The following SLC12A6 variants were observed in gnomAD, a reference collection of about 807,000 sequenced individuals.
SLC12A6 encodes the protein solute carrier family 12 member 6, also known as K-Cl cotransporter 3.
SLC12A6 carries 66 observed loss-of-function variants against 135.3 expected under a neutral mutation model. The observed-to-expected ratio is 0.49, with a 90% CI of 0.40 to 0.60. The LOEUF (loss-of-function observed/expected upper bound fraction) is 0.60. Among genes scored for constraint, SLC12A6 ranks in the 20% least tolerant of loss-of-function variants. The probability of loss-of-function intolerance (pLI) is 0.00; values close to 1 mark genes in which losing one functional copy is unlikely to be tolerated. For synonymous variants in SLC12A6, 513 were observed against 508.8 expected (o/e 1.01, Z -0.11); for missense variants, 1,058 against 1,452.3 (o/e 0.73, Z 4.41).
chr15:34,254,216 G>A, intron 9 of SLC12A6, 132 bp downstream of exon 9: 1 of 932,502 alleles, frequency 1.1e-6, no homozygotes, highest in South Asian at 1.3e-5. Flanking sequence ...GAGGAAGGAA[G>A]TCTAACTGGG....
intron 18 of SLC12A6, 47 bp downstream of exon 18, chr15:34,241,186 T>C (rs753458693): frequency 3.1e-6 from 3 of 972,174 alleles, no homozygotes; most frequent in Non-Finnish European, 5.0e-6. Context: ...ACACATATTT[T>C]TGTGTGTTAA....
Position 34,337,567 on chromosome 15 carries a change from C to A in SLC12A6, c.-308G>T. Reference sequence around the variant, plus strand: ...TTTCTCCTGCGTGTGACAGGACGAGCCACCCCCTTTGCCGGAGGCGCGTTC... The same window carrying A: ...TTTCTCCTGCGTGTGACAGGACGAGACACCCCCTTTGCCGGAGGCGCGTTC... On this transcript the variant is annotated 5_prime_UTR_variant, in exon 1 of 26. Coordinates refer to ENST00000354181, the MANE Select transcript of SLC12A6 (RefSeq NM_001365088.1). 1 of 152,632 alleles carries A rather than the reference C, an allele frequency of 6.6e-6. No individual in the cohort carries two copies. The highest frequency in any genetic ancestry group is 1.5e-5 in the Non-Finnish European group (1 of 68,228). The allele number at this position is 152,632 out of a possible 1,614,324, so 9.5% of individuals were successfully genotyped here. A position where few individuals can be genotyped will look rare whatever the true frequency, so the allele number is the denominator to read the frequency against.
intron 3 of SLC12A6, among the ~76,000 whole-genome samples, chr15:34,269,031 T>C (rs954171341): frequency 6.6e-6 from 1 of 152,078 alleles, no homozygotes; most frequent in African/African-American, 2.4e-5. Flanking sequence ...TAATTTTTTG[T>C]ATTTTTAGTA....
At chr15:34,268,959 C>T (rs931032918) in intron 3 of SLC12A6, among the ~76,000 whole-genome samples, 2 of 151,924 alleles carry the variant, frequency 1.3e-5, no homozygotes, top group African/African-American at 4.8e-5. Flanking sequence ...AGGGTTCAAG[C>T]AATTCTCCTA....
intron 13 of SLC12A6, among the ~76,000 whole-genome samples, chr15:34,249,755 T>C (rs1892259018): frequency 6.6e-6 from 1 of 152,226 alleles, no homozygotes. Context: ...TGAACAGTTC[T>C]TGATGGACAG....
chr15:34,252,233 A>C lies in SLC12A6; in HGVS notation c.1270T>G (p.Phe424Val). The C allele has an allele frequency of 6.2e-7, 1 of 1,608,720 alleles. No individual in the cohort carries two copies. Among genetic ancestry groups the C allele is most frequent in the Non-Finnish European group, 8.5e-7 (1 of 1,175,050 alleles). ...QFFNATCDEY[F>V]VHNNVTSIQG... ...ATTGAAGTGACGTTATTGTGAACAAAGTATTCATCACAGGTGGCATTGAAA... is the reference window on the plus strand; with the variant it reads ...ATTGAAGTGACGTTATTGTGAACAACGTATTCATCACAGGTGGCATTGAAA... Residue 424 changes from phenylalanine (F) to valine (V), a missense_variant, in exon 10 of 26, where the codon TTT becomes GTT. By Grantham distance (50) the Phe-to-Val change is conservative (BLOSUM62 -1). This residue lies in a region of SLC12A6 where 297 missense variants were observed against 318.5 expected (regional missense o/e 0.93). Coordinates refer to ENST00000354181, the MANE Select transcript of SLC12A6 (RefSeq NM_001365088.1).
chr15:34,296,277 G>A (rs1895873965), intron 2 of SLC12A6, among the ~76,000 whole-genome samples: 1 of 152,090 alleles, frequency 6.6e-6, no homozygotes, highest in African/African-American at 2.4e-5. Context: ...AAGAATGATG[G>A]TAATAATAGT....
chr15:34,290,774 C>A (rs765450581), intron 2 of SLC12A6, among the ~76,000 whole-genome samples: 1 of 152,128 alleles, frequency 6.6e-6, no homozygotes, highest in Non-Finnish European at 1.5e-5. Context: ...TTTTATCAAA[C>A]AGACCAGGAT....
chr15:34,231,584 C>CTTTTTTTTTT lies in SLC12A6; in HGVS notation c.*2296_*2297insAAAAAAAAAA, dbSNP rs1566794201. The CTTTTTTTTTT allele has an allele frequency of 7.1e-6, 1 of 141,490 alleles. No individual in the cohort carries two copies. The highest frequency in any genetic ancestry group is 1.5e-5 in the Non-Finnish European group (1 of 64,948). 8.8% of individuals were successfully genotyped at this position (141,490 alleles called of 1,614,324 possible). A position where few individuals can be genotyped will look rare whatever the true frequency, so the allele number is the denominator to read the frequency against. On this transcript the variant is annotated 3_prime_UTR_variant, in exon 26 of 26. Transcript: ENST00000354181. The stretch of plus-strand genomic sequence containing the variant: ...CAAATCAAAATTACTCAATTTCTTT[C>CTTTTTTTTTT]TTTCTTTCTTTTTTTTTTTTTTTGA...
rs191955067 is a variant in SLC12A6, at chr15:34,233,850, A to T, written c.*31T>A. On this transcript the variant is annotated 3_prime_UTR_variant, in exon 26 of 26. Transcript: ENST00000354181. ...CATGGAGGACGTAGGCCTTTTAAGA[A>T]AACAGGTCAAGCACGGTCATTCAGA... 25 of 1,244,136 alleles carry T rather than the reference A, an allele frequency of 2.0e-5. No individual in the cohort carries two copies. In the African/African-American group the frequency reaches 3.2e-4, roughly 16 times the overall value. 77.1% of individuals were successfully genotyped at this position (1,244,136 alleles called of 1,614,324 possible). A position where few individuals can be genotyped will look rare whatever the true frequency, so the allele number is the denominator to read the frequency against.
chr15:34,259,531 T>A (rs534516464), intron 4 of SLC12A6, among the ~76,000 whole-genome samples: 7 of 151,994 alleles, frequency 4.6e-5, no homozygotes, highest in African/African-American at 1.4e-4. Flanking sequence ...ATGCCTGTAG[T>A]CCCAGCTACT....
chr15:34,259,305 C>T (rs939467408), intron 4 of SLC12A6, among the ~76,000 whole-genome samples: 7 of 150,632 alleles, frequency 4.6e-5, no homozygotes, highest in Non-Finnish European at 7.4e-5. Context: ...CGCGCCACTG[C>T]GCTCCAGCCT....
Position 34,285,718 on chromosome 15 carries a change from C to CACACACACACACACACAT in SLC12A6, c.272-10330_272-10329insATGTGTGTGTGTGTGTGT, listed in dbSNP as rs1555385547. 8.1e-3 allele frequency among the ~76,000 whole-genome samples: 534 copies of CACACACACACACACACAT among 66,078 alleles called. 9 individuals carry two copies. Among genetic ancestry groups the CACACACACACACACACAT allele is most frequent in the African/African-American group, 0.017 (438 of 25,564 alleles). The allele number at this position is 66,078 out of a possible 152,430, so 43.3% of individuals were successfully genotyped here. On this transcript the variant is annotated intron_variant, in intron 2 of 25. Transcript: ENST00000354181. ...TGTGTGTGTGTGTGTGTGTGTTTGT[C>CACACACACACACACACAT]ATACATAAAATGGAATATTATTCAA...
intron 2 of SLC12A6, among the ~76,000 whole-genome samples, chr15:34,276,784 ATTGT>A (rs1894325497): frequency 6.6e-6 from 1 of 152,202 alleles, no homozygotes; most frequent in African/African-American, 2.4e-5. Context: ...ATATCACATT[ATTGT>A]TTTAGACAAA....
Position 34,254,368 on chromosome 15 carries a change from A to C in SLC12A6, c.1098T>G (p.Ser366=), listed in dbSNP as rs144474258. Residue 366 remains serine (S), a synonymous_variant, in exon 9 of 26, where the codon TCT becomes TCG. Transcript: ENST00000354181. ...LAIYAGAIKS[S]FAPPHFPVCM... ...CGTACGGGAAGTGTGGAGGAGCAAA[A>C]GAAGACTTGATGGCTCCAGCATAGA... is the stretch of plus-strand genomic sequence containing the variant. The C allele has an allele frequency of 2.5e-6, 4 of 1,612,984 alleles. No individual in the cohort carries two copies. The highest frequency in any genetic ancestry group is 3.4e-6 in the Non-Finnish European group (4 of 1,179,050).
chr15:34,278,985 C>G (rs1000716788), intron 2 of SLC12A6, among the ~76,000 whole-genome samples: 1 of 152,050 alleles, frequency 6.6e-6, no homozygotes, highest in Non-Finnish European at 1.5e-5. Context: ...TGAAGACTAA[C>G]CTCCAAGAAC....
intron 3 of SLC12A6, among the ~76,000 whole-genome samples, chr15:34,264,344 T>C (rs1451850562): frequency 6.6e-6 from 1 of 152,190 alleles, no homozygotes; most frequent in Non-Finnish European, 1.5e-5. Flanking sequence ...CTATGATGTA[T>C]TCTTTCCAAA....
intron 2 of SLC12A6, among the ~76,000 whole-genome samples, chr15:34,282,659 G>A (rs1282862574): frequency 6.6e-6 from 1 of 152,144 alleles, no homozygotes; most frequent in Non-Finnish European, 1.5e-5. Context: ...AGGCTGAAGT[G>A]AGAGGATACT....
chr15:34,301,252 T>C (rs539701162), intron 2 of SLC12A6, among the ~76,000 whole-genome samples: 4 of 152,132 alleles, frequency 2.6e-5, no homozygotes, highest in Non-Finnish European at 5.9e-5. Context: ...GGCCTCAACA[T>C]GTTTGTTAAC....
Sources: allele counts gnomAD v4.1 joint callset (sites outside exome capture counted in the v4.1 genomes callset), GRCh38; gene constraint gnomAD v4.1.1; regional missense constraint gnomAD v4.1.1; transcripts MANE v1.5; gene names NCBI Gene and HGNC (gene_info 2026-07-23, HGNC 2026-07-21).